Variants in ABHD2 observed in about 807,000 individuals in gnomAD.
ABHD2 encodes abhydrolase domain containing 2, acylglycerol lipase, also known as monoacylglycerol lipase ABHD2.
ABHD2 carries 20 observed loss-of-function variants against 48.1 expected under a neutral mutation model. That is an observed-to-expected ratio of 0.42 (90% CI 0.29 to 0.60). ABHD2 has a LOEUF of 0.60. Among genes scored for constraint, ABHD2 ranks in the 20% least tolerant of loss-of-function variants. The pLI, the probability that ABHD2 is intolerant of heterozygous loss-of-function variation, is 0.24. For synonymous variants in ABHD2, 209 were observed against 214.2 expected (o/e 0.98, Z 0.21); for missense variants, 405 against 550.9 (o/e 0.74, Z 2.65).
intron 3 of ABHD2, among the ~76,000 whole-genome samples, chr15:89,122,415 G>A (rs1235429456): frequency 6.6e-6 from 1 of 152,174 alleles, no homozygotes. Flanking sequence ...CCATAAACAG[G>A]TGTAAGTGAA....
the ABHD2 span, among the ~76,000 whole-genome samples, chr15:89,046,505 T>C: frequency 5.9e-5 from 9 of 151,616 alleles, no homozygotes; most frequent in Non-Finnish European, 1.2e-4. Context: ...TGGTAGAATT[T>C]GGCTGTGAAT....
At chr15:89,154,790 G>A (rs887921763) in intron 4 of ABHD2, among the ~76,000 whole-genome samples, 2 of 152,104 alleles carry the variant, frequency 1.3e-5, no homozygotes, top group Non-Finnish European at 2.9e-5. Flanking sequence ...CTATTTCTGG[G>A]CATTTAGATT....
In ABHD2 at chr15:89,198,345, A is replaced by T. The variant is rs138199716; in HGVS notation, c.*2922A>T. On this transcript the variant is annotated 3_prime_UTR_variant, in exon 11 of 11. Coordinates refer to ENST00000352732, the MANE Select transcript of ABHD2 (RefSeq NM_152924.5). This position sits in a 1 kb window ranked among gnomAD's most constrained non-coding sequence, Gnocchi z 5.1. The stretch of plus-strand genomic sequence containing the variant: ...TCATAAGCAATTTGAAGACACTTAC[A>T]AGTAACTGATTCCAGTCAAATTAGG... 2.6e-5 allele frequency: 4 copies of T among 152,340 alleles called. No homozygotes were observed. The East Asian group carries it at 7.7e-4, about 29-fold the overall frequency. 9.4% of individuals were successfully genotyped at this position (152,340 alleles called of 1,614,324 possible). A position where few individuals can be genotyped will look rare whatever the true frequency, so the allele number is the denominator to read the frequency against.
At chr15:89,041,536 A>C in the ABHD2 span, among the ~76,000 whole-genome samples, 1 of 152,256 alleles carries the variant, frequency 6.6e-6, no homozygotes, top group Non-Finnish European at 1.5e-5. Context: ...TTAGTGCAGC[A>C]GTTAAAAGCC....
intron 1 of ABHD2, among the ~76,000 whole-genome samples, chr15:89,101,967 C>T (rs541305459): frequency 6.6e-6 from 1 of 152,286 alleles, no homozygotes; most frequent in East Asian, 1.9e-4. Flanking sequence ...CAGTGCACAG[C>T]CCTATGCGCA....
intron 3 of ABHD2, among the ~76,000 whole-genome samples, chr15:89,129,263 G>A (rs1406012099): frequency 6.6e-6 from 1 of 152,114 alleles, no homozygotes; most frequent in Non-Finnish European, 1.5e-5. Flanking sequence ...CATGGCTAGG[G>A]TGGAAGAGAC....
At chr15:89,181,228 C>CAAAA (rs61411388) in intron 6 of ABHD2, among the ~76,000 whole-genome samples, 31,107 of 68,976 alleles carry the variant, frequency 0.45, 8,892 homozygotes, top group East Asian at 0.55. Flanking sequence ...GACTCTGTCT[C>CAAAA]AAAAAAAAAA....
chr15:89,162,125 C>T (rs1412383731), intron 5 of ABHD2, among the ~76,000 whole-genome samples: 2 of 152,144 alleles, frequency 1.3e-5, no homozygotes, highest in Admixed American at 6.5e-5. Flanking sequence ...AATATAGTCA[C>T]ATTCTGAGGT....
intron 1 of ABHD2, among the ~76,000 whole-genome samples, chr15:89,095,032 C>T (rs2049590470): frequency 6.8e-6 from 1 of 147,024 alleles, no homozygotes. Flanking sequence ...CTACTGTACT[C>T]CAGCCTGGGT....
At chr15:89,066,763 G>A in the ABHD2 span, among the ~76,000 whole-genome samples, 29 of 152,270 alleles carry the variant, frequency 1.9e-4, no homozygotes, top group African/African-American at 4.6e-4. Flanking sequence ...TACCTGTTGC[G>A]GCAGGCCAAG....
chr15:89,193,592 A>G (rs971763339), intron 10 of ABHD2: 12 of 474,536 alleles, frequency 2.5e-5, no homozygotes, highest in Non-Finnish European at 4.5e-5. Context: ...TTGAGGTTCT[A>G]TGAGATTATC....
At chr15:89,178,156 A>C (rs976969085) in intron 6 of ABHD2, among the ~76,000 whole-genome samples, 4 of 152,212 alleles carry the variant, frequency 2.6e-5, no homozygotes, top group Non-Finnish European at 4.4e-5. Flanking sequence ...TGTCTGGAGC[A>C]CAGAGAACTA....
chr15:89,111,659 T>A (rs1465085890), intron 1 of ABHD2, among the ~76,000 whole-genome samples: 1 of 151,946 alleles, frequency 6.6e-6, no homozygotes. Context: ...TTCCCAAAAA[T>A]TAGATCTACC....
rs1432700952 is a variant in ABHD2, at chr15:89,155,117, A to ATT, written c.371-249_371-248dup. Among the ~76,000 whole-genome samples, 1 of 152,106 alleles carries ATT rather than the reference A, an allele frequency of 6.6e-6. No individual in the cohort carries two copies. Among genetic ancestry groups the ATT allele is most frequent in the Non-Finnish European group, 1.5e-5 (1 of 68,026 alleles). ...TTCATTTTTCCAGTAATTAACTTCT[A>ATT]TTGTCTTTTCAAAAGTATCTGTTCA... is the stretch of plus-strand genomic sequence containing the variant. On this transcript the variant is annotated intron_variant, in intron 4 of 10. Coordinates refer to ENST00000352732, the MANE Select transcript of ABHD2 (RefSeq NM_152924.5). The surrounding 1 kb of genome is among the most constrained non-coding windows in gnomAD (Gnocchi z 4.9).
intron 1 of ABHD2, among the ~76,000 whole-genome samples, chr15:89,099,659 C>T (rs1413435588): frequency 6.6e-6 from 1 of 150,460 alleles, no homozygotes; most frequent in Non-Finnish European, 1.5e-5. Context: ...GTAGCTCATA[C>T]CTGTAATCCC....
At chr15:89,125,043 C>T (rs1024849570) in intron 3 of ABHD2, among the ~76,000 whole-genome samples, 8 of 151,458 alleles carry the variant, frequency 5.3e-5, no homozygotes, top group Middle Eastern at 3.5e-3. Flanking sequence ...GAGCTGAGAT[C>T]GTGCCATTGC....
At chr15:89,133,658 T>C (rs2050255024) in intron 3 of ABHD2, among the ~76,000 whole-genome samples, 1 of 152,208 alleles carries the variant, frequency 6.6e-6, no homozygotes, top group Non-Finnish European at 1.5e-5. Context: ...TTCTGTTCAC[T>C]GCCTGTTGGT....
Position 89,116,538 on chromosome 15 carries a change from C to T in ABHD2, c.194+17C>T. The T allele has an allele frequency of 1.9e-6, 3 of 1,604,744 alleles. No homozygotes were observed. The highest frequency in any genetic ancestry group is 2.2e-5 in the East Asian group (1 of 44,744). On this transcript the variant is annotated intron_variant, in intron 3 of 10. Transcript: ENST00000352732. The surrounding 1 kb of genome is among the most constrained non-coding windows in gnomAD (Gnocchi z 4.6). ...GACCAAAGAGTGAGTAGACCTCATG[C>T]CCTCTGTATGCTCAGCTGCTGATGT... is the stretch of plus-strand genomic sequence containing the variant.
intron 3 of ABHD2, among the ~76,000 whole-genome samples, chr15:89,144,602 T>C (rs2050462299): frequency 6.6e-6 from 1 of 152,242 alleles, no homozygotes; most frequent in African/African-American, 2.4e-5. Context: ...AGGTCACATG[T>C]TGATAATTCT....
Sources: allele counts gnomAD v4.1 joint callset (sites outside exome capture counted in the v4.1 genomes callset), GRCh38; gene constraint gnomAD v4.1.1; non-coding constraint Gnocchi (gnomAD v3.1); transcripts MANE v1.5; gene names NCBI Gene and HGNC (gene_info 2026-07-23, HGNC 2026-07-21).